The following CD200R1 variants were observed in gnomAD, a reference collection of about 807,000 sequenced individuals.
CD200R1 encodes the protein CD200 receptor 1.
Under a neutral mutation model 38.1 loss-of-function variants are expected in CD200R1, and 30 were observed. The observed-to-expected ratio is 0.79, with a 90% CI of 0.59 to 1.07. The LOEUF is 1.07. Among genes scored for constraint, CD200R1 ranks in the 50% least tolerant of loss-of-function variants. CD200R1 has a pLI of 0.00. For synonymous variants in CD200R1, 128 were observed against 152.1 expected, an observed-to-expected ratio of 0.84 and a Z score of 1.16; for missense variants, 372 against 415.4, an observed-to-expected ratio of 0.90 and a Z score of 0.91.
At chr3:112,933,233 G>A (rs768491604) in intron 2 of CD200R1, among the ~76,000 whole-genome samples, 1 of 152,190 alleles carries the variant, frequency 6.6e-6, no homozygotes, top group African/African-American at 2.4e-5. Context: ...TCCACCCCTA[G>A]CAGACATGCC....
chr3:112,929,123 CAG>C, intron 4 of CD200R1, 59 bp from the exon 5 acceptor site: 1 of 1,612,080 alleles, frequency 6.2e-7, no homozygotes, highest in Non-Finnish European at 8.5e-7. Context: ...ATATGGAATT[CAG>C]AGAGACATTT....
At position 112,929,192 on chromosome 3, in the gene CD200R1, A is replaced by C; in HGVS notation, c.518T>G (p.Leu173Ter). ...NFHRGYHLQV[L>*]VTPEVTLFQN... ...CCTCAATATATGATGCTCCTTACCT[A>C]ACACTTGGAGGTGATATCCACGATG... is the stretch of plus-strand genomic sequence containing the variant. Residue 173 changes from leucine (L) to a stop codon, truncating the protein, a stop_gained and splice_region_variant, in exon 4 of 8, where the codon TTA becomes TGA. Transcript: ENST00000308611. LOFTEE classifies it high-confidence loss of function. 1 of 1,614,200 alleles carries C rather than the reference A, an allele frequency of 6.2e-7. No homozygotes were observed. Among genetic ancestry groups the C allele is most frequent in the South Asian group, 1.1e-5 (1 of 91,070 alleles).
intron 5 of CD200R1, among the ~76,000 whole-genome samples, chr3:112,928,530 T>A (rs1018600677): frequency 1.3e-5 from 2 of 152,156 alleles, no homozygotes; most frequent in African/African-American, 4.8e-5. Context: ...TATCTTTCAA[T>A]AAGCCATAAG....
At chr3:112,942,870 T>C (rs191277477) in intron 2 of CD200R1, among the ~76,000 whole-genome samples, 13 of 151,756 alleles carry the variant, frequency 8.6e-5, no homozygotes, top group Non-Finnish European at 1.6e-4. Context: ...AGAAAAGTTA[T>C]TACATAATGA....
intron 1 of CD200R1, among the ~76,000 whole-genome samples, chr3:112,966,667 C>T (rs562974927): frequency 9.9e-5 from 15 of 152,036 alleles, no homozygotes; most frequent in African/African-American, 3.6e-4. Context: ...TACATAAACA[C>T]ATACTGGTTG....
chr3:112,943,924 A>G (rs1016872480), intron 2 of CD200R1, among the ~76,000 whole-genome samples: 1 of 151,856 alleles, frequency 6.6e-6, no homozygotes, highest in African/African-American at 2.4e-5. Flanking sequence ...ACAGGACTAT[A>G]TCTAGTAAAT....
intron 1 of CD200R1, among the ~76,000 whole-genome samples, chr3:112,971,230 C>T (rs995039692): frequency 1.3e-5 from 2 of 152,052 alleles, no homozygotes; most frequent in Admixed American, 1.3e-4. Flanking sequence ...GCTATAAAAC[C>T]TAATACAATG....
chr3:112,960,718 G>T (rs1932996454), intron 1 of CD200R1, among the ~76,000 whole-genome samples: 1 of 151,948 alleles, frequency 6.6e-6, no homozygotes, highest in Admixed American at 6.6e-5. Flanking sequence ...AAAAGATAAT[G>T]ACTACGTTTA....
At position 112,922,798 on chromosome 3, in the gene CD200R1, A is replaced by T. The variant is rs1016958317; in HGVS notation, c.*879T>A. 6.6e-6 allele frequency: 1 copy of T among 151,970 alleles called. No individual in the cohort carries two copies. The highest frequency in any genetic ancestry group is 2.4e-5 in the African/African-American group (1 of 41,444). The allele number at this position is 151,970 out of a possible 1,614,324, so 9.4% of individuals were successfully genotyped here. Reference sequence around the variant, plus strand: ...GCAACTGTAGAAGCAGGAATAGTACAGTTATTAAAATAGAAATTTAGGGAA... The same window carrying T: ...GCAACTGTAGAAGCAGGAATAGTACTGTTATTAAAATAGAAATTTAGGGAA... On this transcript the variant is annotated 3_prime_UTR_variant, in exon 8 of 8. Coordinates refer to ENST00000308611, the MANE Select transcript of CD200R1 (RefSeq NM_138806.4).
At position 112,923,616 on chromosome 3, in the gene CD200R1, T is replaced by A. The variant is rs1462347412; in HGVS notation, c.*61A>T. The A allele has an allele frequency of 4.6e-6, 4 of 860,342 alleles. No individual in the cohort carries two copies. Among genetic ancestry groups the A allele is most frequent in the Non-Finnish European group, 7.5e-6 (4 of 535,344 alleles). The allele number at this position is 860,342 out of a possible 1,614,324, so 53.3% of individuals were successfully genotyped here. ...TCTTCATTCTAGAACTGTAAGAAAA[T>A]CAGACAGTAATTATAATGTATCTCG... On this transcript the variant is annotated 3_prime_UTR_variant, in exon 8 of 8. Transcript: ENST00000308611.
intron 1 of CD200R1, among the ~76,000 whole-genome samples, chr3:112,962,844 T>A (rs1267751298): frequency 6.6e-6 from 1 of 152,090 alleles, no homozygotes; most frequent in Non-Finnish European, 1.5e-5. Flanking sequence ...ACAAAAACAG[T>A]GAAGAAAAGT....
intron 2 of CD200R1, among the ~76,000 whole-genome samples, chr3:112,932,249 G>A (rs1940460909): frequency 6.6e-6 from 1 of 152,106 alleles, no homozygotes; most frequent in Admixed American, 6.5e-5. Flanking sequence ...CCCACCAGCT[G>A]GCTATACATT....
intron 5 of CD200R1, among the ~76,000 whole-genome samples, chr3:112,927,547 T>G (rs1387925798): frequency 1.3e-5 from 2 of 152,080 alleles, no homozygotes; most frequent in African/African-American, 4.8e-5. Flanking sequence ...AAGAAAAGTC[T>G]CATATATGAA....
chr3:112,966,348 T>C (rs1188933971), intron 1 of CD200R1, among the ~76,000 whole-genome samples: 1 of 152,164 alleles, frequency 6.6e-6, no homozygotes, highest in Non-Finnish European at 1.5e-5. Context: ...CTATAGGGAG[T>C]TCTGTCTGGC....
rs892393272 is a variant in CD200R1, at chr3:112,929,324, G to A, written c.386C>T (p.Thr129Ile). 3.7e-6 allele frequency: 6 copies of A among 1,613,988 alleles called. No individual in the cohort carries two copies. Among genetic ancestry groups the A allele is most frequent in the Non-Finnish European group, 5.1e-6 (6 of 1,179,994 alleles). Residue 129 changes from threonine (T) to isoleucine (I), a missense_variant, in exon 4 of 8, where the codon ACC becomes ATC. Physicochemically the swap from Thr to Ile is moderately conservative, Grantham distance 89. Transcript: ENST00000308611. ...KETNCTDERI[T>I]WVSRPDQNSD... Reference sequence around the variant, plus strand: ...ATTCTGATCAGGTCTGGAGACCCAGGTTATTCTCTCATCAGTACAGTTGGT... The same window carrying A: ...ATTCTGATCAGGTCTGGAGACCCAGATTATTCTCTCATCAGTACAGTTGGT...
In CD200R1 at chr3:112,929,421, A is replaced by G. The variant is rs377013891; in HGVS notation, c.289T>C (p.Trp97Arg). 104 of 1,613,792 alleles carry G rather than the reference A, an allele frequency of 6.4e-5. No homozygotes were observed. Among genetic ancestry groups the G allele is most frequent in the Non-Finnish European group, 8.4e-5 (99 of 1,179,858 alleles). Reference protein sequence around the residue: ...IALRNLIIITWEIILRGQPSC... With the variant: ...IALRNLIIITREIILRGQPSC... The stretch of plus-strand genomic sequence containing the variant: ...GGCTGGCCTCTCAGGATTATTTCCC[A>G]TGTTATTATGATCAAATTTCTTAAT... Residue 97 changes from tryptophan (W) to arginine (R), a missense_variant, in exon 4 of 8, where the codon TGG (tryptophan) becomes CGG (arginine). Physicochemically the swap from Trp to Arg is moderately radical, Grantham distance 101 (BLOSUM62 -3). Coordinates refer to ENST00000308611, the MANE Select transcript of CD200R1 (RefSeq NM_138806.4).
intron 1 of CD200R1, among the ~76,000 whole-genome samples, chr3:112,950,156 T>C (rs1940945406): frequency 6.6e-6 from 1 of 152,162 alleles, no homozygotes; most frequent in South Asian, 2.1e-4. Flanking sequence ...GGTGAGGTTG[T>C]GGAGAGATAG....
intron 1 of CD200R1, among the ~76,000 whole-genome samples, chr3:112,957,619 T>C (rs77045811): frequency 0.028 from 4,329 of 152,230 alleles, 195 homozygotes; most frequent in East Asian, 0.22. Flanking sequence ...GAACAAGCCA[T>C]GAAAGAAAAT....
At chr3:112,968,666 G>A (rs1467319407) in intron 1 of CD200R1, among the ~76,000 whole-genome samples, 1 of 152,110 alleles carries the variant, frequency 6.6e-6, no homozygotes, top group Non-Finnish European at 1.5e-5. Context: ...CAGATTTTAG[G>A]GCAACTTTAC....
Sources: allele counts gnomAD v4.1 joint callset (sites outside exome capture counted in the v4.1 genomes callset), GRCh38; gene constraint gnomAD v4.1.1; transcripts MANE v1.5; gene names NCBI Gene and HGNC (gene_info 2026-07-23, HGNC 2026-07-21).